HMCN1: variants seen among roughly 807,000 people sequenced by gnomAD.
HMCN1 encodes the protein hemicentin 1.
In HMCN1, 321 loss-of-function variants were observed where a neutral mutation model predicts 625.9. That is an observed-to-expected ratio of 0.51 (90% CI 0.47 to 0.56). The LOEUF (loss-of-function observed/expected upper bound fraction) is 0.56. HMCN1 is among the 20% of genes least tolerant of loss of function. HMCN1 has a pLI of 0.00. For synonymous variants in HMCN1, 2,425 were observed against 2,417.6 expected (o/e 1.00, Z -0.09); for missense variants, 6,588 against 6,887.3 (o/e 0.96, Z 1.54).
rs367872900 is a variant in HMCN1, at chr1:186,011,915, C to A, written c.4631-3244C>A. On this transcript the variant is annotated intron_variant, in intron 30 of 106. Coordinates refer to ENST00000271588, the MANE Select transcript of HMCN1 (RefSeq NM_031935.3). ...TCAATAAGAGTGTTTAAGAATGATT[C>A]TTTTCATTCAGAAAGAAGTTCAGTC... Among the ~76,000 whole-genome samples, 19 of 152,246 alleles carry A rather than the reference C, an allele frequency of 1.2e-4. No homozygotes were observed. In the East Asian group the frequency reaches 1.4e-3, roughly 11 times the overall value.
intron 46 of HMCN1, among the ~76,000 whole-genome samples, chr1:186,057,827 A>C (rs1657440915): frequency 6.6e-6 from 1 of 152,004 alleles, no homozygotes; most frequent in South Asian, 2.1e-4. Context: ...ACATTTCTAA[A>C]ATGGGTAGTT....
At chr1:186,047,496 C>T (rs1020319892) in intron 41 of HMCN1, among the ~76,000 whole-genome samples, 1 of 152,144 alleles carries the variant, frequency 6.6e-6, no homozygotes, top group African/African-American at 2.4e-5. Flanking sequence ...TTAAAAGTAT[C>T]TTACCTATGT....
At chr1:186,053,793 C>A in intron 43 of HMCN1, 32 bp from the exon 44 acceptor site, 1 of 1,609,314 alleles carries the variant, frequency 6.2e-7, no homozygotes, top group Non-Finnish European at 8.5e-7. Flanking sequence ...TACATTTCTG[C>A]CTCATATTCT....
chr1:186,177,303 CAAAAA>C (rs58160762), intron 103 of HMCN1: 3 of 124,030 alleles, frequency 2.4e-5, no homozygotes, highest in Non-Finnish European at 3.4e-5. Flanking sequence ...AACTCCATCT[CAAAAA>C]AAAAAAAAAA....
chr1:185,915,456 G>A (rs1190230595), intron 6 of HMCN1, among the ~76,000 whole-genome samples: 2 of 152,006 alleles, frequency 1.3e-5, no homozygotes, highest in African/African-American at 4.8e-5. Flanking sequence ...ATGGGTTTAG[G>A]TGGTACAAAT....
intron 41 of HMCN1, 86 bp downstream of exon 41, chr1:186,045,949 A>G (rs1054643947): frequency 3.1e-6 from 3 of 957,580 alleles, no homozygotes; most frequent in East Asian, 2.5e-5. Context: ...ACTGTCTTTT[A>G]TAAGTGTTGG....
At chr1:185,769,672 C>T (rs1191904530) in intron 1 of HMCN1, among the ~76,000 whole-genome samples, 1 of 152,074 alleles carries the variant, frequency 6.6e-6, no homozygotes, top group Non-Finnish European at 1.5e-5. Flanking sequence ...TCATATGGCT[C>T]CGGATTCTGT....
chr1:185,796,844 T>C (rs1300531633), intron 1 of HMCN1, among the ~76,000 whole-genome samples: 1 of 152,180 alleles, frequency 6.6e-6, no homozygotes, highest in Non-Finnish European at 1.5e-5. Context: ...GATTCCTTTT[T>C]ATTTGGGAAG....
At chr1:185,778,162 A>C (rs1005988259) in intron 1 of HMCN1, among the ~76,000 whole-genome samples, 1 of 152,120 alleles carries the variant, frequency 6.6e-6, no homozygotes, top group African/African-American at 2.4e-5. Flanking sequence ...TGCCCTGATT[A>C]ATCCCAGCAG....
intron 89 of HMCN1, among the ~76,000 whole-genome samples, chr1:186,139,540 G>A (rs10489753): frequency 0.035 from 5,279 of 150,104 alleles, 137 homozygotes; most frequent in Middle Eastern, 0.099. Context: ...GTAACTATTC[G>A]CCTACTACTG....
At chr1:185,845,589 A>G (rs1427968115) in intron 1 of HMCN1, among the ~76,000 whole-genome samples, 1 of 152,204 alleles carries the variant, frequency 6.6e-6, no homozygotes, top group East Asian at 1.9e-4. Context: ...TTTGTTTAGC[A>G]CCAAACTTTT....
rs1659249417 is a variant in HMCN1, at chr1:186,082,825, A to G, written c.8788-40A>G. On this transcript the variant is annotated intron_variant, in intron 56 of 106. Transcript: ENST00000271588. ...ATAGACAAATATGACAAGTTGCTTTATTCAAAATTTTATTTGGAATTTCTT... is the reference window on the plus strand; with the variant it reads ...ATAGACAAATATGACAAGTTGCTTTGTTCAAAATTTTATTTGGAATTTCTT... 5 of 1,181,982 alleles carry G rather than the reference A, an allele frequency of 4.2e-6. No individual in the cohort carries two copies. In the East Asian group the frequency reaches 9.9e-5, roughly 23 times the overall value. The allele number at this position is 1,181,982 out of a possible 1,614,324, so 73.2% of individuals were successfully genotyped here. A position where few individuals can be genotyped will look rare whatever the true frequency, so the allele number is the denominator to read the frequency against.
chr1:185,735,816 T>C (rs1653522964), intron 1 of HMCN1, among the ~76,000 whole-genome samples: 1 of 152,224 alleles, frequency 6.6e-6, no homozygotes, highest in Non-Finnish European at 1.5e-5. Context: ...AGCACCTCTC[T>C]GTGAGGCTTA....
intron 22 of HMCN1, among the ~76,000 whole-genome samples, chr1:185,991,926 T>A (rs1370634413): frequency 6.6e-6 from 1 of 152,214 alleles, no homozygotes; most frequent in African/African-American, 2.4e-5. Flanking sequence ...GTTTCCATGT[T>A]CTAATTAGTG....
chr1:186,164,301 G>A (rs370137553), intron 97 of HMCN1, among the ~76,000 whole-genome samples: 8 of 147,416 alleles, frequency 5.4e-5, no homozygotes, highest in East Asian at 4.0e-4. Context: ...GTGCAGTGAC[G>A]CAATCTCGGC....
chr1:185,980,693 T>G (rs1651565282), intron 16 of HMCN1, among the ~76,000 whole-genome samples: 1 of 152,236 alleles, frequency 6.6e-6, no homozygotes, highest in African/African-American at 2.4e-5. Flanking sequence ...CGATTAGAAC[T>G]GGACTGCCCG....
intron 11 of HMCN1, among the ~76,000 whole-genome samples, chr1:185,940,684 G>C (rs1571589395): frequency 6.6e-6 from 1 of 152,290 alleles, no homozygotes; most frequent in South Asian, 2.1e-4. Context: ...TTTTGAGAAG[G>C]CTGGCTAATG....
intron 57 of HMCN1, among the ~76,000 whole-genome samples, chr1:186,083,495 T>C: frequency 9.5e-6 from 1 of 105,572 alleles, no homozygotes; most frequent in South Asian, 2.9e-4. Flanking sequence ...AATACCACTT[T>C]TTGCTAAAAA....
chr1:185,773,066 A>G (rs994891558), intron 1 of HMCN1, among the ~76,000 whole-genome samples: 1 of 152,142 alleles, frequency 6.6e-6, no homozygotes, highest in Non-Finnish European at 1.5e-5. Flanking sequence ...ACACATTCAG[A>G]CCACAGCAAT....
Sources: allele counts gnomAD v4.1 joint callset (sites outside exome capture counted in the v4.1 genomes callset), GRCh38; gene constraint gnomAD v4.1.1; transcripts MANE v1.5; gene names NCBI Gene and HGNC (gene_info 2026-07-23, HGNC 2026-07-21).